The following STXBP5L variants were observed in gnomAD, a reference collection of about 807,000 sequenced individuals.
The protein encoded by STXBP5L is syntaxin binding protein 5L, also known as syntaxin-binding protein 5-like.
STXBP5L carries 65 observed loss-of-function variants against 144.5 expected under a neutral mutation model. The observed-to-expected ratio is 0.45, with a 90% confidence interval of 0.37 to 0.55. The LOEUF (loss-of-function observed/expected upper bound fraction) is 0.55. STXBP5L is among the 20% of genes least tolerant of loss of function. STXBP5L has a pLI of 0.00. For missense variants in STXBP5L, 1,298 were observed against 1,405.5 expected (o/e 0.92, Z 1.22); for synonymous variants, 505 against 469.6 (o/e 1.08, Z -0.97).
intron 3 of STXBP5L, among the ~76,000 whole-genome samples, chr3:121,039,813 G>A (rs1173189670): frequency 6.6e-6 from 1 of 151,724 alleles, no homozygotes; most frequent in Non-Finnish European, 1.5e-5. Flanking sequence ...CAGTTCAATG[G>A]TGTGCTGTTC....
At chr3:121,372,825 A>G (rs1296221444) in intron 20 of STXBP5L, among the ~76,000 whole-genome samples, 1 of 152,096 alleles carries the variant, frequency 6.6e-6, no homozygotes, top group Non-Finnish European at 1.5e-5. Flanking sequence ...TTTCTGTTGG[A>G]AAAAAATTAA....
At chr3:121,000,904 G>A (rs986702143) in intron 3 of STXBP5L, among the ~76,000 whole-genome samples, 1 of 152,170 alleles carries the variant, frequency 6.6e-6, no homozygotes, top group African/African-American at 2.4e-5. Context: ...GCACTCTTGG[G>A]CTGTGCACTT....
intron 3 of STXBP5L, among the ~76,000 whole-genome samples, chr3:121,031,143 AC>A (rs1180138393): frequency 6.6e-6 from 1 of 152,012 alleles, no homozygotes; most frequent in Non-Finnish European, 1.5e-5. Flanking sequence ...CATGATTAAA[AC>A]CCCATAAGGA....
chr3:121,025,065 G>A (rs906025979), intron 3 of STXBP5L, among the ~76,000 whole-genome samples: 1 of 152,186 alleles, frequency 6.6e-6, no homozygotes, highest in East Asian at 1.9e-4. Context: ...CCTTGGCAAG[G>A]CTTGAAGAGA....
At chr3:121,090,107 C>G (rs1476423636) in intron 5 of STXBP5L, among the ~76,000 whole-genome samples, 1 of 151,976 alleles carries the variant, frequency 6.6e-6, no homozygotes, top group Non-Finnish European at 1.5e-5. Flanking sequence ...TTTTCTATTT[C>G]CTATTATAAT....
intron 3 of STXBP5L, among the ~76,000 whole-genome samples, chr3:121,020,211 C>T (rs1265140445): frequency 6.6e-6 from 1 of 151,844 alleles, no homozygotes; most frequent in African/African-American, 2.4e-5. Context: ...TGATTTAATC[C>T]AATCCAACAA....
intron 3 of STXBP5L, among the ~76,000 whole-genome samples, chr3:120,974,408 A>G (rs1330296890): frequency 1.3e-5 from 2 of 150,366 alleles, no homozygotes; most frequent in African/African-American, 2.5e-5. Flanking sequence ...TTTCTTGTAA[A>G]TTTGTTTGAG....
chr3:121,385,444 A>G (rs1356124837), intron 22 of STXBP5L, among the ~76,000 whole-genome samples: 1 of 152,230 alleles, frequency 6.6e-6, no homozygotes, highest in African/African-American at 2.4e-5. Flanking sequence ...GCCATTCATT[A>G]GGGATCCATC....
intron 5 of STXBP5L, among the ~76,000 whole-genome samples, chr3:121,111,605 G>A (rs997913644): frequency 6.6e-6 from 1 of 152,168 alleles, no homozygotes; most frequent in African/African-American, 2.4e-5. Flanking sequence ...CTTTCTCTGG[G>A]AGCTCCATCC....
intron 3 of STXBP5L, among the ~76,000 whole-genome samples, chr3:121,016,645 C>T (rs1194711039): frequency 6.6e-6 from 1 of 152,056 alleles, no homozygotes; most frequent in African/African-American, 2.4e-5. Context: ...CATAGATGTG[C>T]GTTTGGACTA....
intron 20 of STXBP5L, among the ~76,000 whole-genome samples, chr3:121,330,767 CCAA>C (rs1458783449): frequency 6.6e-6 from 1 of 152,196 alleles, no homozygotes; most frequent in Non-Finnish European, 1.5e-5. Context: ...ACCTCAGCTA[CCAA>C]CATTGCCTGC....
At chr3:121,091,915 C>T (rs1452249102) in intron 5 of STXBP5L, among the ~76,000 whole-genome samples, 1 of 152,096 alleles carries the variant, frequency 6.6e-6, no homozygotes, top group Non-Finnish European at 1.5e-5. Context: ...TTAGGTCTAA[C>T]ATTTAAGTCT....
intron 22 of STXBP5L, 24 bp downstream of exon 22, chr3:121,381,556 C>T (rs764462116): frequency 1.3e-6 from 2 of 1,576,228 alleles, no homozygotes; most frequent in Admixed American, 2.1e-5. Context: ...TTCATTCATT[C>T]CTTCACTGTT....
chr3:121,150,180 C>A (rs962306327), intron 7 of STXBP5L, among the ~76,000 whole-genome samples: 6 of 151,880 alleles, frequency 4.0e-5, no homozygotes, highest in African/African-American at 1.2e-4. Flanking sequence ...TGTTATTCAC[C>A]AAATACCTAT....
intron 3 of STXBP5L, among the ~76,000 whole-genome samples, chr3:120,984,127 ACT>A (rs1402514362): frequency 6.6e-6 from 1 of 151,232 alleles, no homozygotes; most frequent in African/African-American, 2.4e-5. Flanking sequence ...TCCTGTTAAG[ACT>A]CTTCTCTTAG....
intron 9 of STXBP5L, among the ~76,000 whole-genome samples, chr3:121,166,021 T>C (rs1211369059): frequency 6.6e-6 from 1 of 152,160 alleles, no homozygotes; most frequent in Non-Finnish European, 1.5e-5. Flanking sequence ...ACTTTTTTTT[T>C]TCTTTTTTTG....
chr3:121,198,432 T>A (rs1158104789), intron 9 of STXBP5L, among the ~76,000 whole-genome samples: 1 of 152,202 alleles, frequency 6.6e-6, no homozygotes, highest in Non-Finnish European at 1.5e-5. Flanking sequence ...ATTCTGTTGG[T>A]TGCCTGTTCA....
chr3:121,253,447 C>G (rs901317657), intron 15 of STXBP5L, among the ~76,000 whole-genome samples: 5 of 151,674 alleles, frequency 3.3e-5, no homozygotes, highest in Non-Finnish European at 7.4e-5. Context: ...CATTACATAC[C>G]CCTAAATACT....
intron 7 of STXBP5L, among the ~76,000 whole-genome samples, chr3:121,125,916 C>T (rs371817083): frequency 2.6e-5 from 4 of 152,134 alleles, no homozygotes; most frequent in African/African-American, 9.7e-5. Flanking sequence ...TAAATTCTTC[C>T]TCTCTTCCTC....
Sources: allele counts gnomAD v4.1 joint callset (sites outside exome capture counted in the v4.1 genomes callset), GRCh38; gene constraint gnomAD v4.1.1; transcripts MANE v1.5; gene names NCBI Gene and HGNC (gene_info 2026-07-23, HGNC 2026-07-21).